Variants in SCG5 observed in about 807,000 individuals in gnomAD.
SCG5 encodes neuroendocrine protein 7B2.
In SCG5, 18 loss-of-function variants were observed where a neutral mutation model predicts 25.7. That is an observed-to-expected ratio of 0.70 (90% CI 0.48 to 1.04). The LOEUF (loss-of-function observed/expected upper bound fraction) is 1.04, where lower values mean the gene tolerates loss of function less well. Ranked by LOEUF, SCG5 falls within the 50% of genes least tolerant of loss-of-function variation. The pLI is 0.00. For missense variants in SCG5, 206 were observed against 259.8 expected, an observed-to-expected ratio of 0.79 and a Z score of 1.42; for synonymous variants, 101 against 91.7, an observed-to-expected ratio of 1.10 and a Z score of -0.58.
intron 2 of SCG5, among the ~76,000 whole-genome samples, chr15:32,671,543 C>T (rs1481690316): frequency 1.3e-5 from 2 of 152,118 alleles, no homozygotes; most frequent in Non-Finnish European, 2.9e-5. Context: ...CTTCTTCTTT[C>T]CTGTGGAGAC....
rs1453158411 is a variant in SCG5 at position 32,684,606 on chromosome 15, A to G, written c.426A>G (p.Arg142=). The G allele has an allele frequency of 6.2e-7, 1 of 1,613,884 alleles. No individual in the cohort carries two copies. The highest frequency in any genetic ancestry group is 1.1e-5 in the South Asian group (1 of 90,992). The change falls in exon 4 of 6, where the codon CGA becomes CGG. Residue 142 remains arginine, a synonymous_variant. Transcript: ENST00000300175. ...CCCCTGACACTGCAGAGTTCAGTCG[A>G]GAGTTCCAGTTGCACCAGCATCTCT... The part of the protein sequence containing the change: ...ENTPDTAEFS[R]EFQLHQHLFD...
intron 2 of SCG5, among the ~76,000 whole-genome samples, chr15:32,663,074 TATATA>T (rs1401397839): frequency 1.1e-3 from 65 of 59,156 alleles, no homozygotes; most frequent in Admixed American, 7.2e-3. Context: ...TATATATATA[TATATA>T]ATATATAATA....
chr15:32,658,873 G>A (rs1367086079), intron 2 of SCG5, among the ~76,000 whole-genome samples: 1 of 152,144 alleles, frequency 6.6e-6, no homozygotes, highest in Non-Finnish European at 1.5e-5. Flanking sequence ...CAGTCACTCA[G>A]CACTTAACAA....
intron 2 of SCG5, among the ~76,000 whole-genome samples, chr15:32,648,319 T>A (rs2053977443): frequency 6.6e-6 from 1 of 152,160 alleles, no homozygotes. Context: ...TACCATCATG[T>A]CTGGCATGGA....
rs777552412 is a variant in SCG5 at position 32,691,866 on chromosome 15, C to T, written c.543+103C>T. 7.8e-6 allele frequency: 12 copies of T among 1,546,334 alleles called. No homozygotes were observed. In the Admixed American group the frequency reaches 1.4e-4, roughly 18 times the overall value. ...GCTTGTTGGGAAGTCACAGAATCCT[C>T]CCTTGTGTAGTCCTGAGAAACACTG... On this transcript the variant is annotated intron_variant, in intron 5 of 5. Transcript: ENST00000300175.
intron 2 of SCG5, among the ~76,000 whole-genome samples, chr15:32,663,016 G>T (rs1288283699): frequency 1.6e-5 from 2 of 122,370 alleles, no homozygotes; most frequent in Non-Finnish European, 3.3e-5. Flanking sequence ...GAAGATTAGG[G>T]CTGTTAAAAA....
Position 32,696,599 on chromosome 15 carries a change from A to G in SCG5, c.629A>G (p.Asp210Gly). The stretch of plus-strand genomic sequence containing the variant: ...CCCCATTTTTCAGATGAGGATAAGG[A>G]TCCAGAGTAAAGAGAAGATGCTAGA... Reference protein sequence around the residue: ...SVPHFSDEDKDPE With the variant: ...SVPHFSDEDKGPE Residue 210 changes from aspartate (D) to glycine (G), a missense_variant, in exon 6 of 6, where the codon GAT (aspartate) becomes GGT (glycine). Physicochemically the swap from Asp to Gly is moderately conservative, Grantham distance 94. Transcript: ENST00000300175. 6.2e-7 allele frequency: 1 copy of G among 1,611,016 alleles called. No homozygotes were observed. The highest frequency in any genetic ancestry group is 2.2e-5 in the East Asian group (1 of 44,888).
chr15:32,663,356 A>G (rs541792542), intron 2 of SCG5, among the ~76,000 whole-genome samples: 1 of 151,040 alleles, frequency 6.6e-6, no homozygotes, highest in Non-Finnish European at 1.5e-5. Context: ...GGAAACCACT[A>G]CTCTACTTTC....
At position 32,696,872 on chromosome 15, in the gene SCG5, A is replaced by G. The variant is rs750438675; in HGVS notation, c.*263A>G. The G allele has an allele frequency of 3.0e-6, 1 of 338,066 alleles. No individual in the cohort carries two copies. Among genetic ancestry groups the G allele is most frequent in the East Asian group, 5.2e-5 (1 of 19,342 alleles). 20.9% of individuals were successfully genotyped at this position (338,066 alleles called of 1,614,324 possible). A position where few individuals can be genotyped will look rare whatever the true frequency, so the allele number is the denominator to read the frequency against. The stretch of plus-strand genomic sequence containing the variant: ...AAAAATTAAAATGTGAATGTCAACA[A>G]TAAAAAGCAAGACTATGAAAGGCTC... On this transcript the variant is annotated 3_prime_UTR_variant, in exon 6 of 6. Transcript: ENST00000300175.
chr15:32,657,220 T>TATATATATATATATATATATATATG (rs71113464), intron 2 of SCG5, among the ~76,000 whole-genome samples: 4 of 106,586 alleles, frequency 3.8e-5, no homozygotes, highest in Non-Finnish European at 6.2e-5. Flanking sequence ...TATGTATGTA[T>TATATATATATATATATATATATATG]TTCCAGGTGT....
chr15:32,662,607 C>G (rs1445384496), intron 2 of SCG5, among the ~76,000 whole-genome samples: 1 of 151,990 alleles, frequency 6.6e-6, no homozygotes, highest in African/African-American at 2.4e-5. Flanking sequence ...CTTAAAACTA[C>G]AGTTCTTTAA....
rs1347724644 is a variant in SCG5 at position 32,659,578 on chromosome 15, A to G, written c.226+15760A>G. 2.6e-5 allele frequency among the ~76,000 whole-genome samples: 4 copies of G among 152,196 alleles called. No homozygotes were observed. In the South Asian group the frequency reaches 6.2e-4, roughly 24 times the overall value. On this transcript the variant is annotated intron_variant, in intron 2 of 5. Transcript: ENST00000300175. ...GTCAGTTCCCCCAGTGGCCTGTTCA[A>G]GTTTTTCTTTGCATGAGACAGAGGT...
chr15:32,655,752 G>T (rs1227116431), intron 2 of SCG5, among the ~76,000 whole-genome samples: 4 of 152,142 alleles, frequency 2.6e-5, no homozygotes, highest in African/African-American at 7.2e-5. Flanking sequence ...TTCCACCGTG[G>T]GAGAACACAG....
chr15:32,677,230 A>G (rs1332590778), intron 2 of SCG5, among the ~76,000 whole-genome samples: 3 of 152,222 alleles, frequency 2.0e-5, no homozygotes, highest in Non-Finnish European at 2.9e-5. Flanking sequence ...TATAATATAA[A>G]TGTAAACAAA....
At chr15:32,692,366 C>T (rs887313906) in intron 5 of SCG5, 39 of 759,522 alleles carry the variant, frequency 5.1e-5, no homozygotes, top group Non-Finnish European at 6.3e-5. Context: ...CAGGGCTGCC[C>T]AAGGTAGGAA....
At chr15:32,670,871 T>A (rs2054410470) in intron 2 of SCG5, among the ~76,000 whole-genome samples, 1 of 152,246 alleles carries the variant, frequency 6.6e-6, no homozygotes, top group Non-Finnish European at 1.5e-5. Flanking sequence ...TGTTGCTCAA[T>A]ACCTCAAACA....
chr15:32,642,458 C>T (rs988173746), intron 1 of SCG5, among the ~76,000 whole-genome samples: 5 of 148,870 alleles, frequency 3.4e-5, no homozygotes, highest in Non-Finnish European at 7.4e-5. Flanking sequence ...ATTCCAGCTA[C>T]TCGGGAGGCT....
intron 2 of SCG5, among the ~76,000 whole-genome samples, chr15:32,676,827 A>G (rs2054539308): frequency 6.6e-6 from 1 of 152,248 alleles, no homozygotes; most frequent in African/African-American, 2.4e-5. Flanking sequence ...CACAATTAAA[A>G]TGAAACATTT....
chr15:32,641,784 T>A lies in SCG5; in HGVS notation c.-8+6T>A, dbSNP rs1276299075. ...GCTCCTCGGGCTGCCCCTCGGTGAG[T>A]ACAGTTTTGATGTCGGCTCGGCCGC... On this transcript the variant is annotated splice_donor_region_variant and intron_variant, in intron 1 of 5. Coordinates refer to ENST00000300175, the MANE Select transcript of SCG5 (RefSeq NM_001144757.3). 6.6e-6 allele frequency: 1 copy of A among 152,064 alleles called. No individual in the cohort carries two copies. Among genetic ancestry groups the A allele is most frequent in the African/African-American group, 2.4e-5 (1 of 41,352 alleles). The allele number at this position is 152,064 out of a possible 1,614,324, so 9.4% of individuals were successfully genotyped here.
Sources: gnomAD v4.1 joint callset for allele counts (sites outside exome capture counted in the v4.1 genomes callset) on GRCh38, gnomAD v4.1.1 for gene constraint, MANE v1.5 for transcripts, NCBI Gene and HGNC (gene_info 2026-07-23, HGNC 2026-07-21) for gene names.